DYM: variants seen among roughly 807,000 people sequenced by gnomAD.
DYM encodes the protein dyggve-Melchior-Clausen syndrome protein.
A neutral mutation model predicts 93.1 loss-of-function variants in DYM; 78 were observed. That is an observed-to-expected ratio of 0.84 (90% CI 0.70 to 1.01). The LOEUF is 1.01. Ranked by LOEUF, DYM falls within the 50% of genes least tolerant of loss-of-function variation. The probability of loss-of-function intolerance (pLI) is 0.00; values close to 1 mark genes in which losing one functional copy is unlikely to be tolerated. For synonymous variants in DYM, 321 were observed against 319.7 expected (o/e 1.00, Z -0.04); for missense variants, 789 against 845.0 (o/e 0.93, Z 0.82).
At chr18:49,426,096 CAT>C (rs2074257677) in intron 2 of DYM, among the ~76,000 whole-genome samples, 1 of 152,226 alleles carries the variant, frequency 6.6e-6, no homozygotes, top group Admixed American at 6.5e-5. Flanking sequence ...CACATGCACA[CAT>C]ATGTTTATTG....
At chr18:49,203,871 TA>T (rs71165370) in intron 14 of DYM, among the ~76,000 whole-genome samples, 19,060 of 62,838 alleles carry the variant, frequency 0.3, 2,349 homozygotes, top group Middle Eastern at 0.43. Context: ...TTTAAAAAAG[TA>T]AAAAAAAAAA....
chr18:49,452,177 G>A (rs1410584704), intron 1 of DYM, among the ~76,000 whole-genome samples: 3 of 152,182 alleles, frequency 2.0e-5, no homozygotes, highest in Non-Finnish European at 2.9e-5. Flanking sequence ...GTTCGGATGT[G>A]TTCGGAGTTT....
intron 11 of DYM, among the ~76,000 whole-genome samples, chr18:49,267,884 G>T (rs1261943518): frequency 6.6e-6 from 1 of 151,744 alleles, no homozygotes; most frequent in African/African-American, 2.4e-5. Flanking sequence ...GAGACAAAGC[G>T]AGACTGTGTC....
intron 15 of DYM, among the ~76,000 whole-genome samples, chr18:49,156,116 T>C (rs2086389191): frequency 6.6e-6 from 1 of 152,230 alleles, no homozygotes; most frequent in Non-Finnish European, 1.5e-5. Context: ...ATCTCATGGT[T>C]TTGATCTGCA....
chr18:49,131,160 A>T lies in DYM; in HGVS notation c.1729-12234T>A, dbSNP rs181650021. Among the ~76,000 whole-genome samples, 55 of 152,338 alleles carry T rather than the reference A, an allele frequency of 3.6e-4. No homozygotes were observed. The South Asian group carries it at 5.8e-3, about 16-fold the overall frequency. On this transcript the variant is annotated intron_variant, in intron 15 of 17. Coordinates refer to ENST00000675505, the MANE Select transcript of DYM (RefSeq NM_001353214.3). ...GCTAACCCGAAACAAGAAGGAAGAA[A>T]AAAGGAGGAAAAACACAAATATCCA...
In DYM at chr18:49,044,243, C is replaced by T. The variant is rs778261210; in HGVS notation, c.2026-39G>A. 6 of 1,611,910 alleles carry T rather than the reference C, an allele frequency of 3.7e-6. No individual in the cohort carries two copies. The African/African-American group carries it at 6.7e-5, about 18-fold the overall frequency. Reference sequence around the variant, plus strand: ...AAGATGATTTTATAATCCCACAGTTCCATGCACAAGCAAAAGTGGTGAGAG... The same window carrying T: ...AAGATGATTTTATAATCCCACAGTTTCATGCACAAGCAAAAGTGGTGAGAG... On this transcript the variant is annotated intron_variant, in intron 17 of 17. Transcript: ENST00000675505.
chr18:49,073,567 A>G (rs543933539), intron 17 of DYM, among the ~76,000 whole-genome samples: 1 of 152,224 alleles, frequency 6.6e-6, no homozygotes, highest in Admixed American at 6.5e-5. Flanking sequence ...ACAAAATCTG[A>G]AACGAGTGAG....
At chr18:49,234,813 T>G (rs899759243) in intron 13 of DYM, among the ~76,000 whole-genome samples, 6 of 152,168 alleles carry the variant, frequency 3.9e-5, no homozygotes, top group Non-Finnish European at 7.3e-5. Context: ...GCAGAGAACT[T>G]TATCTGTCTG....
chr18:49,424,407 A>G (rs2074051087), intron 2 of DYM, among the ~76,000 whole-genome samples: 1 of 152,072 alleles, frequency 6.6e-6, no homozygotes, highest in African/African-American at 2.4e-5. Flanking sequence ...TCAAAATAGT[A>G]AGAGCTATTT....
At chr18:49,066,009 G>T (rs935322563) in intron 17 of DYM, among the ~76,000 whole-genome samples, 1 of 152,068 alleles carries the variant, frequency 6.6e-6, no homozygotes, top group African/African-American at 2.4e-5. Flanking sequence ...TTCATGGACC[G>T]CTCCTCCCCA....
chr18:49,127,162 A>G (rs2082907639), intron 15 of DYM, among the ~76,000 whole-genome samples: 1 of 152,184 alleles, frequency 6.6e-6, no homozygotes, highest in Non-Finnish European at 1.5e-5. Flanking sequence ...ACAGGAACAG[A>G]TCTCATATCA....
chr18:49,118,019 T>TGTG (rs1486110839), intron 16 of DYM, among the ~76,000 whole-genome samples: 27 of 135,004 alleles, frequency 2.0e-4, no homozygotes, highest in African/African-American at 7.8e-4. Flanking sequence ...TTTTTTTTTT[T>TGTG]TGTGTGTGAG....
intron 3 of DYM, among the ~76,000 whole-genome samples, chr18:49,383,705 A>G (rs1299447516): frequency 1.3e-5 from 2 of 152,212 alleles, no homozygotes; most frequent in Non-Finnish European, 2.9e-5. Context: ...ATATTTATTT[A>G]TTCTCTGGTT....
At chr18:49,326,492 A>G (rs993226690) in intron 8 of DYM, among the ~76,000 whole-genome samples, 10 of 152,044 alleles carry the variant, frequency 6.6e-5, no homozygotes, top group African/African-American at 2.4e-4. Context: ...AAAAACCTAA[A>G]ATCTATAAGT....
intron 13 of DYM, among the ~76,000 whole-genome samples, chr18:49,209,970 T>C (rs1015510557): frequency 5.9e-5 from 9 of 152,144 alleles, no homozygotes; most frequent in Non-Finnish European, 7.4e-5. Context: ...ATGTTTAACA[T>C]CATACATCAC....
chr18:49,295,064 T>G (rs1377036857), intron 8 of DYM, among the ~76,000 whole-genome samples: 1 of 147,308 alleles, frequency 6.8e-6, no homozygotes, highest in Non-Finnish European at 1.5e-5. Context: ...CACTCTTCCT[T>G]TGGGGAAAGT....
intron 10 of DYM, among the ~76,000 whole-genome samples, chr18:49,280,934 A>G (rs1373353255): frequency 2.0e-5 from 3 of 152,350 alleles, no homozygotes; most frequent in African/African-American, 7.2e-5. Flanking sequence ...ATGGCAACAA[A>G]AGCCAAAATT....
chr18:49,295,307 A>T (rs1050738531), intron 8 of DYM, among the ~76,000 whole-genome samples: 6 of 152,332 alleles, frequency 3.9e-5, no homozygotes, highest in Non-Finnish European at 7.4e-5. Flanking sequence ...TTTGATAAAA[A>T]TAAAATTTTA....
intron 16 of DYM, among the ~76,000 whole-genome samples, chr18:49,106,224 T>C (rs1376761865): frequency 1.3e-5 from 2 of 152,336 alleles, no homozygotes; most frequent in East Asian, 3.9e-4. Flanking sequence ...GAGACTAGGA[T>C]TGCAACCCCT....
Sources: allele counts gnomAD v4.1 joint callset (sites outside exome capture counted in the v4.1 genomes callset), GRCh38; gene constraint gnomAD v4.1.1; transcripts MANE v1.5; gene names NCBI Gene and HGNC (gene_info 2026-07-23, HGNC 2026-07-21).